The following UROD variants were observed in gnomAD, a reference collection of about 807,000 sequenced individuals.
UROD encodes the protein uroporphyrinogen decarboxylase, also known as uroporphyrinogen III decarboxylase.
Under a neutral mutation model 47.1 loss-of-function variants are expected in UROD, and 34 were observed. The observed-to-expected ratio is 0.72, with a 90% CI of 0.55 to 0.96. The LOEUF is 0.96. UROD is among the 40% of genes least tolerant of loss of function. The probability of loss-of-function intolerance (pLI) is 0.00; values close to 1 mark genes in which losing one functional copy is unlikely to be tolerated. For synonymous variants in UROD, 148 were observed against 175.8 expected (o/e 0.84, Z 1.25); for missense variants, 381 against 471.8 (o/e 0.81, Z 1.78).
rs199633582 is a variant in UROD at position 45,014,922 on chromosome 1, C to T, written c.876-18C>T. 1.4e-4 allele frequency: 229 copies of T among 1,614,140 alleles called. 2 individuals carry two copies. In the East Asian group the frequency reaches 2.2e-3, roughly 15 times the overall value. ...CATGTATGCAGTTACCAGAACGTGG[C>T]GCTGGCTTTGCTTCCAGGGAGTGTG... On this transcript the variant is annotated intron_variant, in intron 8 of 9. Transcript: ENST00000246337.
At chr1:45,015,125 A>G (rs968632895) in intron 9 of UROD, 119 bp downstream of exon 9, 2 of 1,539,432 alleles carry the variant, frequency 1.3e-6, no homozygotes, top group Non-Finnish European at 1.8e-6. Context: ...TCTGTACAAC[A>G]TAAGCCCTAG....
chr1:45,012,481 A>C (rs1275416449), intron 1 of UROD, among the ~76,000 whole-genome samples, 196 bp downstream of exon 1: 1 of 152,210 alleles, frequency 6.6e-6, no homozygotes, highest in African/African-American at 2.4e-5. Context: ...GGGATGCCTC[A>C]GGATTTCCAA....
intron 1 of UROD, 112 bp downstream of exon 1, chr1:45,012,397 G>C (rs1644807654): frequency 4.1e-6 from 6 of 1,457,960 alleles, no homozygotes; most frequent in South Asian, 1.1e-5. Flanking sequence ...CTCCCAACCT[G>C]AACTCCGTTA....
In UROD at chr1:45,012,274, G is replaced by C; in HGVS notation, c.9G>C (p.Ala3=). 1.9e-6 allele frequency: 3 copies of C among 1,614,068 alleles called. No individual in the cohort carries two copies. The highest frequency in any genetic ancestry group is 2.5e-6 in the Non-Finnish European group (3 of 1,180,036). ME[A]NGLGPQGFPE... Reference sequence around the variant, plus strand: ...GTTACAGACAGCTGACCATGGAAGCGAATGGGTTGGGGTGAGTTCTCCAGA... The same window carrying C: ...GTTACAGACAGCTGACCATGGAAGCCAATGGGTTGGGGTGAGTTCTCCAGA... The change falls in exon 1 of 10, where the codon GCG becomes GCC. Residue 3 remains alanine (A), a synonymous_variant. Transcript: ENST00000246337.
At chr1:45,012,653 G>C (rs1357525457) in intron 1 of UROD, 2 of 700,144 alleles carry the variant, frequency 2.9e-6, no homozygotes. Context: ...CCTCCCCCCA[G>C]TCCCTCTGGT....
intron 8 of UROD, 34 bp from the exon 9 acceptor site, chr1:45,014,906 A>T: frequency 6.2e-7 from 1 of 1,614,160 alleles, no homozygotes; most frequent in Non-Finnish European, 8.5e-7. Flanking sequence ...CCATGTATGC[A>T]GTTACCAGAA....
chr1:45,015,255 C>T (rs1644841920), intron 9 of UROD, 82 bp from the exon 10 acceptor site: 4 of 1,561,428 alleles, frequency 2.6e-6, no homozygotes, highest in East Asian at 2.3e-5. Context: ...AGCATGCCTA[C>T]ATATGCGTTT....
Position 45,014,851 on chromosome 1 carries a change from G to T in UROD, c.875+15G>T, listed in dbSNP as rs767093380. ...AAGAAAGCCCGGTAAGCCATGGAAGGGTGAGGCCTTGAGGTTGAGGTGGGG... is the reference window on the plus strand; with the variant it reads ...AAGAAAGCCCGGTAAGCCATGGAAGTGTGAGGCCTTGAGGTTGAGGTGGGG... On this transcript the variant is annotated intron_variant, in intron 8 of 9. Coordinates refer to ENST00000246337, the MANE Select transcript of UROD (RefSeq NM_000374.5). 30 of 1,614,114 alleles carry T rather than the reference G, an allele frequency of 1.9e-5. No homozygotes were observed. In the South Asian group the frequency reaches 3.1e-4, roughly 17 times the overall value.
intron 8 of UROD, 37 bp from the exon 9 acceptor site, chr1:45,014,903 T>A: frequency 6.2e-7 from 1 of 1,614,174 alleles, no homozygotes; most frequent in Non-Finnish European, 8.5e-7. Context: ...CTGCCATGTA[T>A]GCAGTTACCA....
intron 6 of UROD, 100 bp from the exon 7 acceptor site, chr1:45,014,339 A>G: frequency 1.9e-6 from 3 of 1,576,472 alleles, no homozygotes; most frequent in Non-Finnish European, 2.6e-6. Flanking sequence ...AGGCAGTATC[A>G]GGGATTGAAG....
At chr1:45,014,917 C>G (rs375235440) in intron 8 of UROD, 23 bp from the exon 9 acceptor site, 1 of 1,614,124 alleles carries the variant, frequency 6.2e-7, no homozygotes, top group South Asian at 1.1e-5. Context: ...GTTACCAGAA[C>G]GTGGCGCTGG....
chr1:45,012,316 G>C, intron 1 of UROD, 31 bp downstream of exon 1: 1 of 1,614,130 alleles, frequency 6.2e-7, no homozygotes, highest in Non-Finnish European at 8.5e-7. Context: ...GGTGTGGCTA[G>C]CCGGGCTTCT....
At chr1:45,014,694 T>C (rs1370618836) in intron 7 of UROD, 42 bp from the exon 8 acceptor site, 4 of 1,613,588 alleles carry the variant, frequency 2.5e-6, no homozygotes, top group Admixed American at 1.7e-5. Context: ...GATTAGTGGT[T>C]GTAGCAAGGC....
chr1:45,013,056 G>A lies in UROD; in HGVS notation c.133+37G>A, dbSNP rs1644816670. On this transcript the variant is annotated intron_variant, in intron 2 of 9. Transcript: ENST00000246337. The surrounding 1 kb of genome is among the most constrained non-coding windows in gnomAD (Gnocchi z 4.2). ...GGTCTGGAAATCTAGATAAAACTCC[G>A]GAGGGAGAAAAGTTTTCGAGGGGCA... 3 of 1,614,124 alleles carry A rather than the reference G, an allele frequency of 1.9e-6. No individual in the cohort carries two copies. The highest frequency in any genetic ancestry group is 1.7e-6 in the Non-Finnish European group (2 of 1,180,044).
Position 45,013,074 on chromosome 1 carries a change from G to C in UROD, c.133+55G>C. Reference sequence around the variant, plus strand: ...AAACTCCGGAGGGAGAAAAGTTTTCGAGGGGCAGGGGAGGGCTCTGGAGGG... The same window carrying C: ...AAACTCCGGAGGGAGAAAAGTTTTCCAGGGGCAGGGGAGGGCTCTGGAGGG... On this transcript the variant is annotated intron_variant, in intron 2 of 9. Coordinates refer to ENST00000246337, the MANE Select transcript of UROD (RefSeq NM_000374.5). The surrounding 1 kb of genome is among the most constrained non-coding windows in gnomAD (Gnocchi z 4.2). 1 of 1,614,104 alleles carries C rather than the reference G, an allele frequency of 6.2e-7. No individual in the cohort carries two copies. The highest frequency in any genetic ancestry group is 8.5e-7 in the Non-Finnish European group (1 of 1,180,020).
At position 45,014,449 on chromosome 1, in the gene UROD, T is replaced by A; in HGVS notation, c.647T>A (p.Leu216Gln). 1 of 1,614,226 alleles carries A rather than the reference T, an allele frequency of 6.2e-7. No homozygotes were observed. The highest frequency in any genetic ancestry group is 8.5e-7 in the Non-Finnish European group (1 of 1,180,048). Reference protein sequence around the residue: ...QVVAGAQALQLFESHAGHLGP... With the variant: ...QVVAGAQALQQFESHAGHLGP... Reference sequence around the variant, plus strand: ...CCATACCCTAACTAGGCATTGCAGCTGTTTGAGTCCCATGCAGGGCATCTT... The same window carrying A: ...CCATACCCTAACTAGGCATTGCAGCAGTTTGAGTCCCATGCAGGGCATCTT... Residue 216 changes from leucine (L) to glutamine (Q), a missense_variant, in exon 7 of 10, where the codon CTG becomes CAG. Coordinates refer to ENST00000246337, the MANE Select transcript of UROD (RefSeq NM_000374.5).
rs1307849602 is a variant in UROD, at chr1:45,013,191, G to T, written c.189G>T (p.Glu63Asp). The T allele has an allele frequency of 6.2e-7, 1 of 1,614,068 alleles. No individual in the cohort carries two copies. The highest frequency in any genetic ancestry group is 8.5e-7 in the Non-Finnish European group (1 of 1,180,054). Reference protein sequence around the residue: ...QDFFSTCRSPEACCELTLQPL... With the variant: ...QDFFSTCRSPDACCELTLQPL... ...TTTTCAGCACGTGTCGCTCTCCTGA[G>T]GCCTGCTGTGAACTGACTCTGCAGG... Residue 63 changes from glutamate to aspartate, a missense_variant, in exon 3 of 10, where the codon GAG (glutamate) becomes GAT (aspartate). Physicochemically the swap from Glu to Asp is conservative, Grantham distance 45 (BLOSUM62 2). Transcript: ENST00000246337. The surrounding 1 kb of genome is among the most constrained non-coding windows in gnomAD (Gnocchi z 4.2).
At chr1:45,015,098 C>G in intron 9 of UROD, 92 bp downstream of exon 9, 1 of 1,582,806 alleles carries the variant, frequency 6.3e-7, no homozygotes, top group Non-Finnish European at 8.7e-7. Context: ...TAATGTCTGT[C>G]TGTCCTTTTC....
In UROD at chr1:45,013,302, G is replaced by A; in HGVS notation, c.224G>A (p.Arg75His). The A allele has an allele frequency of 6.2e-7, 1 of 1,614,118 alleles. No individual in the cohort carries two copies. Among genetic ancestry groups the A allele is most frequent in the Non-Finnish European group, 8.5e-7 (1 of 1,180,036 alleles). The change falls in exon 4 of 10, where the codon CGC (arginine) becomes CAC (histidine). Residue 75 changes from arginine (R) to histidine (H), a missense_variant. Coordinates refer to ENST00000246337, the MANE Select transcript of UROD (RefSeq NM_000374.5). The surrounding 1 kb of genome is among the most constrained non-coding windows in gnomAD (Gnocchi z 4.2). ...CCELTLQPLRRFPLDAAIIFS... is the reference protein window; with the variant it reads ...CCELTLQPLRHFPLDAAIIFS... The stretch of plus-strand genomic sequence containing the variant: ...TCCTGTTTCCTACAGCCACTGCGTC[G>A]CTTCCCTCTGGATGCTGCCATCATT...
Sources: gnomAD v4.1 joint callset for allele counts (sites outside exome capture counted in the v4.1 genomes callset) on GRCh38, gnomAD v4.1.1 for gene constraint, Gnocchi (gnomAD v3.1) non-coding constraint, MANE v1.5 for transcripts, NCBI Gene and HGNC (gene_info 2026-07-23, HGNC 2026-07-21) for gene names.